CRYL1: variants seen among roughly 807,000 people sequenced by gnomAD.
CRYL1 encodes lambda-crystallin homolog.
Under a neutral mutation model 36.6 loss-of-function variants are expected in CRYL1, and 29 were observed. The observed-to-expected ratio is 0.79, with a 90% CI of 0.59 to 1.08. The LOEUF is 1.08. Among genes scored for constraint, CRYL1 ranks in the 50% least tolerant of loss-of-function variants. The probability of loss-of-function intolerance (pLI) is 0.00; values close to 1 mark genes in which losing one functional copy is unlikely to be tolerated. For synonymous variants in CRYL1, 152 were observed against 151.5 expected (o/e 1.00, Z -0.02); for missense variants, 411 against 407.9 (o/e 1.01, Z -0.06).
chr13:20,521,916 G>A lies in CRYL1; in HGVS notation c.41+3838C>T, dbSNP rs180843339. Among the ~76,000 whole-genome samples, 557 of 152,292 alleles carry A rather than the reference G, an allele frequency of 3.7e-3. 7 individuals are homozygous for A. Among genetic ancestry groups the A allele is most frequent in the African/African-American group, 0.013 (535 of 41,560 alleles). On this transcript the variant is annotated intron_variant, in intron 1 of 7. Coordinates refer to ENST00000298248, the MANE Select transcript of CRYL1 (RefSeq NM_015974.3). Reference sequence around the variant, plus strand: ...GAAAGAGCTATTAAGTAACTCCTGCGAAGGGCACATTTAGTGTCTAAGCTG... The same window carrying A: ...GAAAGAGCTATTAAGTAACTCCTGCAAAGGGCACATTTAGTGTCTAAGCTG...
At chr13:20,517,214 A>T (rs1276486209) in intron 1 of CRYL1, among the ~76,000 whole-genome samples, 1 of 152,224 alleles carries the variant, frequency 6.6e-6, no homozygotes, top group Non-Finnish European at 1.5e-5. Context: ...GGATGGAGAG[A>T]CAGGAGCAGA....
intron 5 of CRYL1, chr13:20,430,196 C>T: frequency 2.0e-6 from 2 of 984,564 alleles, no homozygotes; most frequent in Non-Finnish European, 2.4e-6. Flanking sequence ...TTTTTAGAAA[C>T]AAATTATCTT....
intron 5 of CRYL1, among the ~76,000 whole-genome samples, chr13:20,420,700 G>GGTTTTTTTTTT (rs2031779673): frequency 2.7e-5 from 1 of 36,430 alleles, no homozygotes; most frequent in Non-Finnish European, 7.2e-5. Context: ...TAAAATAGAG[G>GGTTTTTTTTTT]TTGTGTGTGT....
At chr13:20,416,047 CCTT>C (rs1462550122) in intron 5 of CRYL1, among the ~76,000 whole-genome samples, 4 of 152,218 alleles carry the variant, frequency 2.6e-5, no homozygotes, top group Non-Finnish European at 4.4e-5. Flanking sequence ...CCCAGAGCAT[CCTT>C]CTCCCCGTCA....
intron 6 of CRYL1, among the ~76,000 whole-genome samples, chr13:20,408,175 C>A (rs1212715469): frequency 1.3e-5 from 2 of 152,180 alleles, no homozygotes; most frequent in African/African-American, 4.8e-5. Flanking sequence ...TGAGTGAGGA[C>A]TTGCCCAGGG....
intron 5 of CRYL1, chr13:20,431,374 G>T: frequency 1.0e-6 from 1 of 985,378 alleles, no homozygotes; most frequent in Non-Finnish European, 1.2e-6. Flanking sequence ...CAACACAGGC[G>T]TGGGCAGAGT....
intron 6 of CRYL1, among the ~76,000 whole-genome samples, chr13:20,406,875 C>T (rs955842344): frequency 5.9e-5 from 9 of 151,700 alleles, no homozygotes; most frequent in Admixed American, 3.3e-4. Flanking sequence ...CCATCTCCCT[C>T]TCCTACCAGA....
chr13:20,442,696 T>C (rs1383458273), intron 3 of CRYL1, among the ~76,000 whole-genome samples: 3 of 152,170 alleles, frequency 2.0e-5, no homozygotes, highest in East Asian at 3.9e-4. Flanking sequence ...CTAGCAAAAA[T>C]TCTACCACTA....
intron 4 of CRYL1, among the ~76,000 whole-genome samples, chr13:20,432,950 G>A (rs1309631351): frequency 6.6e-6 from 1 of 152,174 alleles, no homozygotes; most frequent in Non-Finnish European, 1.5e-5. Context: ...CCCAGGAAGT[G>A]GAGGCTGCAG....
chr13:20,432,116 A>G lies in CRYL1; in HGVS notation c.619T>C (p.Trp207Arg). Residue 207 changes from tryptophan (W) to arginine (R), a missense_variant, in exon 5 of 8, where the codon TGG becomes CGG. By Grantham distance (101) the Trp-to-Arg change is moderately radical. Transcript: ENST00000298248. ...GGCACACACACCTCCACTAGCCGCCAGGCCTCGCTGATGATTGCATATTGC... is the reference window on the plus strand; with the variant it reads ...GGCACACACACCTCCACTAGCCGCCGGGCCTCGCTGATGATTGCATATTGC... ...RLQYAIISEA[W>R]RLVEEGIVSP... 1.2e-6 allele frequency: 2 copies of G among 1,614,162 alleles called. No homozygotes were observed. The highest frequency in any genetic ancestry group is 1.1e-5 in the South Asian group (1 of 91,084).
At chr13:20,500,538 A>T (rs1339897482) in intron 2 of CRYL1, among the ~76,000 whole-genome samples, 1 of 152,234 alleles carries the variant, frequency 6.6e-6, no homozygotes, top group Non-Finnish European at 1.5e-5. Flanking sequence ...TTGTGTGGGT[A>T]ATCAGGCCAA....
At chr13:20,475,649 G>A (rs774595507) in intron 3 of CRYL1, among the ~76,000 whole-genome samples, 9 of 152,120 alleles carry the variant, frequency 5.9e-5, no homozygotes, top group African/African-American at 1.7e-4. Flanking sequence ...CATTAGCTGC[G>A]GGTCATAGGC....
At chr13:20,438,531 C>T (rs1002773578) in intron 4 of CRYL1, among the ~76,000 whole-genome samples, 16 of 152,210 alleles carry the variant, frequency 1.1e-4, no homozygotes, top group Non-Finnish European at 2.1e-4. Flanking sequence ...TTCCAGTGTT[C>T]TCCCATGGCT....
At chr13:20,503,848 T>A (rs1280294384) in intron 2 of CRYL1, among the ~76,000 whole-genome samples, 1 of 152,168 alleles carries the variant, frequency 6.6e-6, no homozygotes, top group African/African-American at 2.4e-5. Flanking sequence ...ACCCAGTTAC[T>A]GGAAATGCCT....
chr13:20,479,930 T>C (rs1210081336), intron 3 of CRYL1, among the ~76,000 whole-genome samples: 3 of 152,188 alleles, frequency 2.0e-5, no homozygotes, highest in Non-Finnish European at 4.4e-5. Flanking sequence ...CAAGAAGTCA[T>C]GGACCAAGCT....
intron 5 of CRYL1, among the ~76,000 whole-genome samples, chr13:20,420,160 A>T (rs1282108170): frequency 6.6e-6 from 1 of 152,202 alleles, no homozygotes; most frequent in East Asian, 1.9e-4. Flanking sequence ...CACCACATTG[A>T]ACTGATGCAA....
intron 4 of CRYL1, among the ~76,000 whole-genome samples, chr13:20,436,917 T>C (rs2032230451): frequency 1.6e-5 from 1 of 63,172 alleles, no homozygotes; most frequent in South Asian, 4.6e-4. Flanking sequence ...GGGGTGCTTC[T>C]CGGAAACTGG....
intron 3 of CRYL1, among the ~76,000 whole-genome samples, chr13:20,487,234 G>C (rs1161165616): frequency 7.0e-6 from 1 of 143,882 alleles, no homozygotes; most frequent in Non-Finnish European, 1.5e-5. Flanking sequence ...AGTAGCTATA[G>C]AAAGATTCTT....
intron 1 of CRYL1, among the ~76,000 whole-genome samples, chr13:20,518,476 G>A (rs1264932995): frequency 6.6e-6 from 1 of 152,140 alleles, no homozygotes; most frequent in African/African-American, 2.4e-5. Flanking sequence ...GGGCGGTGGG[G>A]GGAGAGGAAG....
Sources: gnomAD v4.1 joint callset for allele counts (sites outside exome capture counted in the v4.1 genomes callset) on GRCh38, gnomAD v4.1.1 for gene constraint, MANE v1.5 for transcripts, NCBI Gene and HGNC (gene_info 2026-07-23, HGNC 2026-07-21) for gene names.